Variants in CEP78 observed in about 807,000 individuals in gnomAD.
The protein encoded by CEP78 is centrosomal protein 78.
CEP78 carries 76 observed loss-of-function variants against 81.2 expected under a neutral mutation model. That is an observed-to-expected ratio of 0.94 (90% CI 0.78 to 1.13). CEP78 has a LOEUF of 1.13. Ranked by LOEUF, CEP78 falls within the 50% of genes most tolerant of loss-of-function variation. CEP78 has a pLI of 0.00. For synonymous variants in CEP78, 293 were observed against 301.4 expected, an observed-to-expected ratio of 0.97 and a Z score of 0.29; for missense variants, 918 against 846.8, an observed-to-expected ratio of 1.08 and a Z score of -1.04.
intron 1 of CEP78, among the ~76,000 whole-genome samples, chr9:78,237,398 A>G (rs1272150828): frequency 1.2e-4 from 18 of 152,198 alleles, no homozygotes; most frequent in Admixed American, 1.1e-3. Flanking sequence ...TTCGGAAAAT[A>G]TGTTAGGTCA....
chr9:78,237,508 G>A (rs1003317557), intron 1 of CEP78, among the ~76,000 whole-genome samples: 5 of 152,166 alleles, frequency 3.3e-5, no homozygotes, highest in African/African-American at 1.2e-4. Flanking sequence ...TAACAGGAAG[G>A]AACAGTTTGT....
chr9:78,242,161 G>A (rs1011848259), intron 4 of CEP78, among the ~76,000 whole-genome samples: 11 of 69,022 alleles, frequency 1.6e-4, no homozygotes, highest in African/African-American at 2.9e-4. Flanking sequence ...GGTGTAGATC[G>A]GGGTAGTCAA....
rs540164411 is a variant in CEP78, at chr9:78,273,031, C to T, written c.*2180C>T. 1.3e-5 allele frequency: 2 copies of T among 152,184 alleles called. No individual in the cohort carries two copies. Among genetic ancestry groups the T allele is most frequent in the East Asian group, 3.9e-4 (2 of 5,180 alleles). The allele number at this position is 152,184 out of a possible 1,614,324, so 9.4% of individuals were successfully genotyped here. ...AGAGAGGGAAGCAAATGTATGTCAACAACTTTAATAGCTACAAAACTACCT... is the reference window on the plus strand; with the variant it reads ...AGAGAGGGAAGCAAATGTATGTCAATAACTTTAATAGCTACAAAACTACCT... On this transcript the variant is annotated 3_prime_UTR_variant, in exon 17 of 17. Coordinates refer to ENST00000643273, the MANE Select transcript of CEP78 (RefSeq NM_001330691.3).
chr9:78,269,932 A>G (rs1177016562), intron 16 of CEP78, among the ~76,000 whole-genome samples: 1 of 152,222 alleles, frequency 6.6e-6, no homozygotes, highest in Non-Finnish European at 1.5e-5. Flanking sequence ...TGTTCTTAAG[A>G]CTAAAAGAAA....
intron 15 of CEP78, 55 bp downstream of exon 15, chr9:78,265,961 C>T: frequency 1.2e-6 from 1 of 861,726 alleles, no homozygotes; most frequent in African/African-American, 1.7e-5. Context: ...ATATAACAGG[C>T]AGTATATTAT....
intron 11 of CEP78, among the ~76,000 whole-genome samples, chr9:78,256,797 A>C (rs1215182632): frequency 2.0e-5 from 3 of 152,184 alleles, no homozygotes; most frequent in Admixed American, 6.5e-5. Flanking sequence ...AAATACTTTA[A>C]GAAAAAAACT....
chr9:78,274,513 C>G lies in CEP78; in HGVS notation c.*3662C>G, dbSNP rs748253351. 6.6e-6 allele frequency: 1 copy of G among 152,118 alleles called. No individual in the cohort carries two copies. Among genetic ancestry groups the G allele is most frequent in the Non-Finnish European group, 1.5e-5 (1 of 68,014 alleles). The allele number at this position is 152,118 out of a possible 1,614,324, so 9.4% of individuals were successfully genotyped here. On this transcript the variant is annotated 3_prime_UTR_variant, in exon 17 of 17. Transcript: ENST00000643273. Reference sequence around the variant, plus strand: ...AATATTAGAGCTTAAAAAATTCATCCCTCTTGCCCATCAGTAGATCAGGAT... The same window carrying G: ...AATATTAGAGCTTAAAAAATTCATCGCTCTTGCCCATCAGTAGATCAGGAT...
At chr9:78,241,894 A>G (rs1826251188) in intron 4 of CEP78, 95 bp downstream of exon 4, 1 of 655,236 alleles carries the variant, frequency 1.5e-6, no homozygotes, top group Middle Eastern at 2.6e-4. Context: ...GTCTTTTGAT[A>G]CATATGGGCA....
At chr9:78,265,205 T>C (rs916409451) in intron 13 of CEP78, among the ~76,000 whole-genome samples, 167 bp from the exon 14 acceptor site, 1 of 152,184 alleles carries the variant, frequency 6.6e-6, no homozygotes, top group Non-Finnish European at 1.5e-5. Flanking sequence ...AGAGAATAAA[T>C]GTGGGAAGGT....
chr9:78,251,829 T>A, intron 8 of CEP78, 79 bp from the exon 9 acceptor site: 1 of 1,298,602 alleles, frequency 7.7e-7, no homozygotes, highest in Non-Finnish European at 1.1e-6. Flanking sequence ...TGTATTCTTT[T>A]AAGAGTATGC....
chr9:78,245,948 T>C (rs1826458555), intron 5 of CEP78, among the ~76,000 whole-genome samples: 1 of 152,216 alleles, frequency 6.6e-6, no homozygotes. Context: ...CACTTGGAAT[T>C]TGAATTTGAA....
At position 78,259,041 on chromosome 9, in the gene CEP78, G is replaced by A. The variant is rs189423102; in HGVS notation, c.1381-3866G>A. 2.4e-4 allele frequency among the ~76,000 whole-genome samples: 36 copies of A among 152,294 alleles called. No individual in the cohort carries two copies. In the East Asian group the frequency reaches 4.0e-3, roughly 17 times the overall value. Reference sequence around the variant, plus strand: ...GAAAAACAGGTGCAAAAGGGTCCACGTGCATTATTTGTAATAGTCCAACCT... The same window carrying A: ...GAAAAACAGGTGCAAAAGGGTCCACATGCATTATTTGTAATAGTCCAACCT... On this transcript the variant is annotated intron_variant, in intron 11 of 16. Transcript: ENST00000643273.
chr9:78,247,487 A>G (rs562125423), intron 6 of CEP78, among the ~76,000 whole-genome samples: 31 of 152,316 alleles, frequency 2.0e-4, no homozygotes, highest in African/African-American at 6.5e-4. Context: ...GCACTGAGTG[A>G]TGAAGAGACT....
chr9:78,265,455 G>A lies in CEP78; in HGVS notation c.1709G>A (p.Ser570Asn). The change falls in exon 14 of 17, where the codon AGT (serine) becomes AAT (asparagine). Residue 570 changes from serine to asparagine, a missense_variant. By Grantham distance (46) the Ser-to-Asn change is conservative (BLOSUM62 1). Transcript: ENST00000643273. ...LGHPQMTSTV[S>N]NPPKEEKKAL... ...CATCCCCAGATGACTTCTACTGTTA[G>A]TAATCCACCTAAAGAAGAAAAGAAG... The A allele has an allele frequency of 6.3e-7, 1 of 1,598,288 alleles. No individual in the cohort carries two copies. Among genetic ancestry groups the A allele is most frequent in the South Asian group, 1.1e-5 (1 of 88,032 alleles).
intron 6 of CEP78, among the ~76,000 whole-genome samples, chr9:78,247,142 A>G (rs1355592927): frequency 1.3e-5 from 2 of 152,248 alleles, no homozygotes; most frequent in Non-Finnish European, 2.9e-5. Flanking sequence ...CACTAAACAT[A>G]CAGCAGTAAA....
intron 6 of CEP78, 59 bp from the exon 7 acceptor site, chr9:78,248,232 T>C (rs535106932): frequency 1.2e-6 from 1 of 867,064 alleles, no homozygotes; most frequent in African/African-American, 1.7e-5. Flanking sequence ...TGTTTTTAAA[T>C]GGGAATAGCC....
At position 78,266,687 on chromosome 9, in the gene CEP78, GA is replaced by G. The variant is rs1827555317; in HGVS notation, c.2096del (p.Lys699ArgfsTer16). 1.2e-6 allele frequency: 2 copies of G among 1,612,016 alleles called. No individual in the cohort carries two copies. Among genetic ancestry groups the G allele is most frequent in the Non-Finnish European group, 1.7e-6 (2 of 1,179,040 alleles). On this transcript the variant is annotated frameshift_variant, in exon 16 of 17. Coordinates refer to ENST00000643273, the MANE Select transcript of CEP78 (RefSeq NM_001330691.3). LOFTEE classifies it high-confidence loss of function. ...CCAGAAATAGCAGATCTTCTTCAGA[GA>G]AAAAGACCAAAACAGGTGAATATAC... ...LSRNSRSSSE[K>X]KTKTESH
intron 4 of CEP78, among the ~76,000 whole-genome samples, 198 bp from the exon 5 acceptor site, chr9:78,243,264 T>C (rs1826315187): frequency 6.6e-6 from 1 of 152,182 alleles, no homozygotes; most frequent in South Asian, 2.1e-4. Flanking sequence ...ACATAGCTAG[T>C]CAGTGACAGA....
chr9:78,243,742 T>C lies in CEP78; in HGVS notation c.778+106T>C, dbSNP rs1007295694. ...GTCCGAAGGTTTTTTAAAAAGCCTC[T>C]TTTTTCTAATAGGTTTTATTTTGTT... On this transcript the variant is annotated intron_variant, in intron 5 of 16. Transcript: ENST00000643273. 7.8e-6 allele frequency: 6 copies of C among 767,654 alleles called. No homozygotes were observed. The African/African-American group carries it at 1.1e-4, about 14-fold the overall frequency. 47.6% of individuals were successfully genotyped at this position (767,654 alleles called of 1,614,324 possible). A position where few individuals can be genotyped will look rare whatever the true frequency, so the allele number is the denominator to read the frequency against.
Sources: gnomAD v4.1 joint callset for allele counts (sites outside exome capture counted in the v4.1 genomes callset) on GRCh38, gnomAD v4.1.1 for gene constraint, MANE v1.5 for transcripts, NCBI Gene and HGNC (gene_info 2026-07-23, HGNC 2026-07-21) for gene names.